CCDC88C: variants seen among roughly 807,000 people sequenced by gnomAD.
CCDC88C encodes coiled-coil and HOOK domain protein 88C.
In CCDC88C, 131 loss-of-function variants were observed where a neutral mutation model predicts 198.8. The ratio of observed to expected loss-of-function variants is 0.66; its 90% confidence interval spans 0.57 to 0.76. The LOEUF (loss-of-function observed/expected upper bound fraction) is 0.76, where lower values mean the gene tolerates loss of function less well. CCDC88C is among the 30% of genes least tolerant of loss of function. The probability of loss-of-function intolerance (pLI) is 0.00; values close to 1 mark genes in which losing one functional copy is unlikely to be tolerated. For synonymous variants in CCDC88C, 1,166 were observed against 1,114.7 expected, an observed-to-expected ratio of 1.05 and a Z score of -0.92; for missense variants, 2,553 against 2,631.6, an observed-to-expected ratio of 0.97 and a Z score of 0.65.
intron 3 of CCDC88C, among the ~76,000 whole-genome samples, chr14:91,384,126 T>C (rs1447188215): frequency 6.6e-6 from 1 of 152,116 alleles, no homozygotes; most frequent in Non-Finnish European, 1.5e-5. Context: ...ATCCAAGCCA[T>C]GAAGATTATC....
chr14:91,382,221 A>C (rs1245713635), intron 3 of CCDC88C, among the ~76,000 whole-genome samples: 1 of 152,018 alleles, frequency 6.6e-6, no homozygotes, highest in Non-Finnish European at 1.5e-5. Flanking sequence ...TTGATGAAGC[A>C]CTCTTTTCCA....
At chr14:91,377,950 G>A (rs1884548174) in intron 3 of CCDC88C, among the ~76,000 whole-genome samples, 1 of 152,248 alleles carries the variant, frequency 6.6e-6, no homozygotes, top group Non-Finnish European at 1.5e-5. Context: ...ATGCCATGCA[G>A]CCACATGGCA....
At chr14:91,384,853 G>T (rs984692851) in intron 3 of CCDC88C, among the ~76,000 whole-genome samples, 2 of 152,146 alleles carry the variant, frequency 1.3e-5, no homozygotes, top group African/African-American at 4.8e-5. Flanking sequence ...GAAGCCCACG[G>T]GTGATGCTCC....
chr14:91,408,415 C>T, intron 3 of CCDC88C: 1 of 427,236 alleles, frequency 2.3e-6, no homozygotes, highest in Non-Finnish European at 4.3e-6. Flanking sequence ...TCTCTGGGAC[C>T]TTCACAGCAT....
At chr14:91,277,894 G>A (rs1335403863) in intron 29 of CCDC88C, 28 bp downstream of exon 29, 20 of 1,460,822 alleles carry the variant, frequency 1.4e-5, no homozygotes, top group South Asian at 5.7e-5. Context: ...GAAGAGAGAC[G>A]GGCCAAGTCC....
At chr14:91,356,434 C>T (rs1894042951) in intron 4 of CCDC88C, among the ~76,000 whole-genome samples, 1 of 152,186 alleles carries the variant, frequency 6.6e-6, no homozygotes, top group Admixed American at 6.5e-5. Context: ...CCTTCACTTT[C>T]CCAGCCCTCA....
chr14:91,391,615 C>T (rs1008359032), intron 3 of CCDC88C, among the ~76,000 whole-genome samples: 4 of 152,012 alleles, frequency 2.6e-5, no homozygotes, highest in African/African-American at 7.2e-5. Flanking sequence ...CCCGTCTCTA[C>T]CAAAAATACA....
chr14:91,272,682 G>A lies in CCDC88C; in HGVS notation c.6030C>T (p.Ala2010=). ...GCGGATCCCCGCCGGGCTCCGGGGA[G>A]GCCGGACTGCTCTTTGAGACGCTCC... ...SRGSVSKSSP[A]SPEPGGDPQT... The change falls in exon 30 of 30, where the codon GCC becomes GCT. Residue 2010 remains alanine (A), a synonymous_variant. Coordinates refer to ENST00000389857, the MANE Select transcript of CCDC88C (RefSeq NM_001080414.4). The A allele has an allele frequency of 6.2e-7, 1 of 1,611,742 alleles. No individual in the cohort carries two copies. The highest frequency in any genetic ancestry group is 8.5e-7 in the Non-Finnish European group (1 of 1,179,874).
At chr14:91,315,281 C>G (rs375940518) in intron 14 of CCDC88C, among the ~76,000 whole-genome samples, 1 of 152,118 alleles carries the variant, frequency 6.6e-6, no homozygotes, top group African/African-American at 2.4e-5. Flanking sequence ...ACGGATTTGC[C>G]AGGGTTCTCA....
At chr14:91,363,598 T>G (rs1380891276) in intron 3 of CCDC88C, among the ~76,000 whole-genome samples, 1 of 152,204 alleles carries the variant, frequency 6.6e-6, no homozygotes, top group African/African-American at 2.4e-5. Context: ...AAAAAAAAAT[T>G]TTTAAGAAAG....
chr14:91,301,063 T>C (rs1450997846), intron 20 of CCDC88C, among the ~76,000 whole-genome samples: 1 of 152,200 alleles, frequency 6.6e-6, no homozygotes, highest in African/African-American at 2.4e-5. Context: ...ATCAAGCATG[T>C]CTCTAACCAT....
Position 91,339,159 on chromosome 14 carries a change from C to T in CCDC88C, c.809+119G>A. 2 of 1,247,936 alleles carry T rather than the reference C, an allele frequency of 1.6e-6. No homozygotes were observed. The highest frequency in any genetic ancestry group is 2.3e-6 in the Non-Finnish European group (2 of 875,306). The allele number at this position is 1,247,936 out of a possible 1,614,324, so 77.3% of individuals were successfully genotyped here. ...AGAGTAAGCTCAGGGCAGACCCCAG[C>T]TGACTCCGGGGCACACGTCAGAGCT... On this transcript the variant is annotated intron_variant, in intron 8 of 29. Transcript: ENST00000389857. The surrounding 1 kb of genome is among the most constrained non-coding windows in gnomAD (Gnocchi z 5.8).
chr14:91,301,289 A>T (rs1334764452), intron 20 of CCDC88C, among the ~76,000 whole-genome samples: 1 of 152,218 alleles, frequency 6.6e-6, no homozygotes, highest in Non-Finnish European at 1.5e-5. Context: ...ACAGCAAGGG[A>T]GCCTCCAGTC....
At chr14:91,326,091 T>TA in intron 10 of CCDC88C, 35 bp from the exon 11 acceptor site, 1 of 1,589,374 alleles carries the variant, frequency 6.3e-7, no homozygotes, top group Non-Finnish European at 8.6e-7. Context: ...AACCATCAGA[T>TA]AAAGGCACCT....
In CCDC88C at chr14:91,352,516, C is replaced by T. The variant is rs1019836314; in HGVS notation, c.340+7126G>A. 1.3e-5 allele frequency among the ~76,000 whole-genome samples: 2 copies of T among 152,218 alleles called. No individual in the cohort carries two copies. The highest frequency in any genetic ancestry group is 4.8e-5 in the African/African-American group (2 of 41,450). ...ACAGCATTTGGTTGCTTTTCTGAAC[C>T]TTCTCTCTCAAGGATGAAAGAGGAA... On this transcript the variant is annotated intron_variant, in intron 4 of 29. Transcript: ENST00000389857. This position sits in a 1 kb window ranked among gnomAD's most constrained non-coding sequence, Gnocchi z 4.2.
At chr14:91,316,082 G>A (rs945443799) in intron 13 of CCDC88C, among the ~76,000 whole-genome samples, 3 of 152,192 alleles carry the variant, frequency 2.0e-5, no homozygotes, top group African/African-American at 4.8e-5. Context: ...GGTTTCACAC[G>A]CACCCAGCTT....
Position 91,300,045 on chromosome 14 carries a change from C to A in CCDC88C, c.3661G>T (p.Ala1221Ser). ...ACCTTCTCCCGCTCCTCCAGCTCCGCCTTGCGCTTCAGCATGTCACCGTGC... is the reference window on the plus strand; with the variant it reads ...ACCTTCTCCCGCTCCTCCAGCTCCGACTTGCGCTTCAGCATGTCACCGTGC... ...ERHGDMLKRK[A>S]ELEEREKVLT... Residue 1221 changes from alanine (A) to serine (S), a missense_variant, in exon 21 of 30, where the codon GCG (alanine) becomes TCG (serine). Around this residue, in one of 2 missense-constraint regions of CCDC88C, gnomAD observed 1,293 missense variants for 1,219.6 expected, o/e 1.06. Transcript: ENST00000389857. 6.2e-7 allele frequency: 1 copy of A among 1,608,058 alleles called. No individual in the cohort carries two copies. Among genetic ancestry groups the A allele is most frequent in the Non-Finnish European group, 8.5e-7 (1 of 1,177,588 alleles).
intron 15 of CCDC88C, among the ~76,000 whole-genome samples, chr14:91,310,392 T>C (rs1208958384): frequency 6.6e-6 from 1 of 152,142 alleles, no homozygotes; most frequent in African/African-American, 2.4e-5. Flanking sequence ...GGAAATATTT[T>C]ATTTTAAACC....
intron 18 of CCDC88C, among the ~76,000 whole-genome samples, 162 bp from the exon 19 acceptor site, chr14:91,306,088 A>G (rs1891545462): frequency 6.6e-6 from 1 of 152,334 alleles, no homozygotes; most frequent in African/African-American, 2.4e-5. Flanking sequence ...TGAAAAAGAT[A>G]ATCAGCAGGA....
Sources: allele counts gnomAD v4.1 joint callset (sites outside exome capture counted in the v4.1 genomes callset), GRCh38; gene constraint gnomAD v4.1.1; regional missense constraint gnomAD v4.1.1; non-coding constraint Gnocchi (gnomAD v3.1); transcripts MANE v1.5; gene names NCBI Gene and HGNC (gene_info 2026-07-23, HGNC 2026-07-21).